Variants in MKX observed in about 807,000 individuals in gnomAD.
MKX encodes the protein homeobox protein Mohawk.
In MKX, 13 loss-of-function variants were observed where a neutral mutation model predicts 36.0. The ratio of observed to expected loss-of-function variants is 0.36; its 90% CI spans 0.24 to 0.57. The LOEUF (loss-of-function observed/expected upper bound fraction) is 0.57. Among genes scored for constraint, MKX ranks in the 20% least tolerant of loss-of-function variants. MKX has a pLI of 0.79. For missense variants in MKX, 458 were observed against 456.4 expected (o/e 1.00, Z -0.03); for synonymous variants, 176 against 178.3 (o/e 0.99, Z 0.10).
At chr10:27,716,017 G>C (rs1156722329) in intron 5 of MKX, among the ~76,000 whole-genome samples, 1 of 152,056 alleles carries the variant, frequency 6.6e-6, no homozygotes, top group African/African-American at 2.4e-5. Flanking sequence ...GCTGAAGAAG[G>C]TTTTAGAGTC....
intron 5 of MKX, among the ~76,000 whole-genome samples, chr10:27,692,082 C>G (rs2132511195): frequency 6.6e-6 from 1 of 152,310 alleles, no homozygotes; most frequent in Non-Finnish European, 1.5e-5. Context: ...AATGGGATTG[C>G]TGTGTTGAAT....
chr10:27,711,893 A>G (rs1836880057), intron 5 of MKX, among the ~76,000 whole-genome samples: 1 of 151,930 alleles, frequency 6.6e-6, no homozygotes, highest in African/African-American at 2.4e-5. Flanking sequence ...TTTTTCTTAT[A>G]AAACAGGTAT....
At chr10:27,730,895 G>C (rs1324498261) in intron 5 of MKX, among the ~76,000 whole-genome samples, 2 of 151,900 alleles carry the variant, frequency 1.3e-5, no homozygotes, top group Non-Finnish European at 2.9e-5. Flanking sequence ...AGCACTTTGG[G>C]AGGCTGAGCC....
rs753103972 is a variant in MKX, at chr10:27,675,176, G to A, written c.*53C>T. On this transcript the variant is annotated 3_prime_UTR_variant, in exon 7 of 7. Coordinates refer to ENST00000419761, the MANE Select transcript of MKX (RefSeq NM_173576.3). ...CCCTGCTTCGGCTCTTAGGATGAGG[G>A]TTGATGAAAACACCGGAAAGAACAT... 130 of 1,561,194 alleles carry A rather than the reference G, an allele frequency of 8.3e-5. No individual in the cohort carries two copies. Among genetic ancestry groups the A allele is most frequent in the Non-Finnish European group, 1.1e-4 (127 of 1,145,232 alleles).
chr10:27,682,645 G>T (rs1300075432), intron 5 of MKX, among the ~76,000 whole-genome samples: 3 of 152,136 alleles, frequency 2.0e-5, no homozygotes, highest in Non-Finnish European at 4.4e-5. Flanking sequence ...GGATAAAACA[G>T]TTCCACCTCG....
At chr10:27,693,268 G>A (rs1331206490) in intron 5 of MKX, among the ~76,000 whole-genome samples, 1 of 152,032 alleles carries the variant, frequency 6.6e-6, no homozygotes, top group Admixed American at 6.6e-5. Context: ...CCTCCCAATG[G>A]CCAAAAATTA....
chr10:27,685,381 A>T (rs1209788993), intron 5 of MKX, among the ~76,000 whole-genome samples: 1 of 151,824 alleles, frequency 6.6e-6, no homozygotes, highest in Non-Finnish European at 1.5e-5. Flanking sequence ...ATCTGTCCAG[A>T]TTGTAGAATA....
chr10:27,728,206 A>G (rs961873468), intron 5 of MKX, among the ~76,000 whole-genome samples: 13 of 152,218 alleles, frequency 8.5e-5, no homozygotes, highest in African/African-American at 3.1e-4. Flanking sequence ...AAAGGGAAAT[A>G]AAATAAGAAA....
chr10:27,728,539 T>C (rs573253983), intron 5 of MKX, among the ~76,000 whole-genome samples: 2 of 152,252 alleles, frequency 1.3e-5, no homozygotes, highest in South Asian at 4.1e-4. Flanking sequence ...GGAGTGGCTC[T>C]TAATTGTCAT....
At chr10:27,730,046 C>T (rs1309071504) in intron 5 of MKX, among the ~76,000 whole-genome samples, 1 of 151,906 alleles carries the variant, frequency 6.6e-6, no homozygotes, top group Non-Finnish European at 1.5e-5. Flanking sequence ...TTACCATTCG[C>T]TAAGCTCACA....
At chr10:27,737,706 A>C (rs895787638) in intron 3 of MKX, among the ~76,000 whole-genome samples, 6 of 152,116 alleles carry the variant, frequency 3.9e-5, no homozygotes, top group African/African-American at 1.4e-4. Context: ...CACAGAGTAC[A>C]GCCTGCAACT....
In MKX at chr10:27,734,476, C is replaced by T; in HGVS notation, c.818G>A (p.Gly273Asp). 1.9e-6 allele frequency: 3 copies of T among 1,614,010 alleles called. No individual in the cohort carries two copies. Among genetic ancestry groups the T allele is most frequent in the Non-Finnish European group, 2.5e-6 (3 of 1,179,944 alleles). The change falls in exon 5 of 7, where the codon GGC (glycine) becomes GAC (aspartate). Residue 273 changes from glycine to aspartate, a missense_variant. By Grantham distance (94) the Gly-to-Asp change is moderately conservative. Coordinates refer to ENST00000419761, the MANE Select transcript of MKX (RefSeq NM_173576.3). The stretch of plus-strand genomic sequence containing the variant: ...CTTACCTGTGCGATAGACAAAGTTG[C>T]CTTCAGTTTCTGATGACGATGGAGA... ...LVSPSSSETEGNFVYRTDTLE... is the reference protein window; with the variant it reads ...LVSPSSSETEDNFVYRTDTLE...
chr10:27,703,064 A>T (rs1043645487), intron 5 of MKX, among the ~76,000 whole-genome samples: 1 of 152,196 alleles, frequency 6.6e-6, no homozygotes, highest in Admixed American at 6.5e-5. Flanking sequence ...TTCAAAAAAC[A>T]CTTTTTCTTT....
Position 27,742,806 on chromosome 10 carries a change from G to A in MKX, c.188+422C>T, listed in dbSNP as rs1238775685. On this transcript the variant is annotated intron_variant, in intron 2 of 6. Coordinates refer to ENST00000419761, the MANE Select transcript of MKX (RefSeq NM_173576.3). The surrounding 1 kb of genome is among the most constrained non-coding windows in gnomAD (Gnocchi z 4.2). Reference sequence around the variant, plus strand: ...GCTCTGGCGAGGGGCTCGAGTGACCGAAGAGAAGTCCGCGGAGCCTGAGCC... The same window carrying A: ...GCTCTGGCGAGGGGCTCGAGTGACCAAAGAGAAGTCCGCGGAGCCTGAGCC... Among the ~76,000 whole-genome samples, 1 of 152,080 alleles carries A rather than the reference G, an allele frequency of 6.6e-6. No homozygotes were observed. Among genetic ancestry groups the A allele is most frequent in the African/African-American group, 2.4e-5 (1 of 41,446 alleles).
intron 3 of MKX, among the ~76,000 whole-genome samples, chr10:27,739,667 G>A (rs1002174706): frequency 3.9e-5 from 6 of 152,040 alleles, no homozygotes; most frequent in East Asian, 1.9e-4. Flanking sequence ...AATGACAAAT[G>A]CTACTTCATA....
At chr10:27,743,860 C>A (rs1180288325) in intron 1 of MKX, among the ~76,000 whole-genome samples, 1 of 152,200 alleles carries the variant, frequency 6.6e-6, no homozygotes, top group Non-Finnish European at 1.5e-5. Flanking sequence ...CGGAGCGCGA[C>A]CGGCGTGAGG....
In MKX at chr10:27,741,281, A is replaced by T. The variant is rs1213453808; in HGVS notation, c.348+64T>A. ...CCACGTGGAGAGCCACACGAACTCT[A>T]AGCGTTCCCGCTCTTCAGCCCCTCG... On this transcript the variant is annotated intron_variant, in intron 3 of 6. Coordinates refer to ENST00000419761, the MANE Select transcript of MKX (RefSeq NM_173576.3). The surrounding 1 kb of genome is among the most constrained non-coding windows in gnomAD (Gnocchi z 5.1). The T allele has an allele frequency of 3.8e-6, 6 of 1,594,056 alleles. No individual in the cohort carries two copies. Among genetic ancestry groups the T allele is most frequent in the Non-Finnish European group, 5.1e-6 (6 of 1,170,188 alleles).
chr10:27,714,009 C>CA (rs10632508), intron 5 of MKX, among the ~76,000 whole-genome samples: 2,603 of 102,486 alleles, frequency 0.025, 72 homozygotes, highest in Non-Finnish European at 0.041. Context: ...GTGCAAAGAC[C>CA]AAAAAAAAAA....
intron 5 of MKX, among the ~76,000 whole-genome samples, chr10:27,697,915 A>G (rs558414172): frequency 6.6e-6 from 1 of 152,272 alleles, no homozygotes; most frequent in African/African-American, 2.4e-5. Context: ...AAGAGACCCC[A>G]AGCAATTGCT....
Sources: gnomAD v4.1 joint callset for allele counts (sites outside exome capture counted in the v4.1 genomes callset) on GRCh38, gnomAD v4.1.1 for gene constraint, Gnocchi (gnomAD v3.1) non-coding constraint, MANE v1.5 for transcripts, NCBI Gene and HGNC (gene_info 2026-07-23, HGNC 2026-07-21) for gene names.